DGKI: variants seen among roughly 807,000 people sequenced by gnomAD.
DGKI encodes the protein diacylglycerol kinase iota, also known as DAG kinase iota.
DGKI carries 55 observed loss-of-function variants against 147.5 expected under a neutral mutation model. The observed-to-expected ratio is 0.37, with a 90% CI of 0.30 to 0.47. The LOEUF (loss-of-function observed/expected upper bound fraction) is 0.47, where lower values mean the gene tolerates loss of function less well. DGKI is among the 20% of genes least tolerant of loss of function. DGKI has a pLI of 1.00. For synonymous variants in DGKI, 469 were observed against 477.1 expected (o/e 0.98, Z 0.22); for missense variants, 1,007 against 1,323.8 (o/e 0.76, Z 3.71).
At position 137,678,581 on chromosome 7, in the gene DGKI, C is replaced by T. The variant is rs1300989761; in HGVS notation, c.582G>A (p.Glu194=). Residue 194 remains glutamate, a synonymous_variant, in exon 3 of 33, where the codon GAG becomes GAA. Coordinates refer to ENST00000614521, the MANE Select transcript of DGKI (RefSeq NM_001321708.2). ...CTGCAAATCTGACTTGGCAGTTCTC[C>T]TCTCCAAGGTAGCAGAGGTCTCCCG... The part of the protein sequence containing the change: ...NVSGDLCYLG[E]ENCQVRFAKS... The T allele has an allele frequency of 8.7e-6, 14 of 1,614,044 alleles. No individual in the cohort carries two copies. The highest frequency in any genetic ancestry group is 2.7e-5 in the African/African-American group (2 of 74,926).
At chr7:137,724,594 A>G (rs2116633204) in intron 1 of DGKI, among the ~76,000 whole-genome samples, 1 of 152,308 alleles carries the variant, frequency 6.6e-6, no homozygotes, top group South Asian at 2.1e-4. Context: ...TGTTGGTAAA[A>G]AAGAAAAGCC....
At chr7:137,815,018 A>C (rs983800995) in intron 1 of DGKI, among the ~76,000 whole-genome samples, 1 of 152,146 alleles carries the variant, frequency 6.6e-6, no homozygotes, top group Non-Finnish European at 1.5e-5. Context: ...GGAAATATCA[A>C]TAATTACCCA....
chr7:137,606,781 T>C (rs927753315), intron 10 of DGKI, among the ~76,000 whole-genome samples: 2 of 152,224 alleles, frequency 1.3e-5, no homozygotes, highest in African/African-American at 2.4e-5. Flanking sequence ...TAATCTTTAA[T>C]CACATTTCCA....
At chr7:137,446,675 G>A (rs183094892) in intron 27 of DGKI, among the ~76,000 whole-genome samples, 5 of 152,180 alleles carry the variant, frequency 3.3e-5, no homozygotes, top group Non-Finnish European at 2.9e-5. Flanking sequence ...GCAGTGAGCC[G>A]AGACCGCGCC....
At chr7:137,637,352 G>C (rs1010348730) in intron 6 of DGKI, among the ~76,000 whole-genome samples, 1 of 152,162 alleles carries the variant, frequency 6.6e-6, no homozygotes, top group East Asian at 1.9e-4. Flanking sequence ...TTTTATTGGA[G>C]AAGACCATGA....
chr7:137,592,177 C>G (rs1337552190), intron 12 of DGKI, among the ~76,000 whole-genome samples: 1 of 152,216 alleles, frequency 6.6e-6, no homozygotes, highest in African/African-American at 2.4e-5. Flanking sequence ...TTGAAAGGTT[C>G]TATGGGCAGG....
At chr7:137,664,917 A>C (rs1447339373) in intron 3 of DGKI, among the ~76,000 whole-genome samples, 3 of 152,224 alleles carry the variant, frequency 2.0e-5, no homozygotes, top group Non-Finnish European at 4.4e-5. Flanking sequence ...AGACAGGTGG[A>C]CCAGGGAAGG....
At chr7:137,543,788 T>C (rs1286891295) in intron 20 of DGKI, among the ~76,000 whole-genome samples, 1 of 152,186 alleles carries the variant, frequency 6.6e-6, no homozygotes, top group Non-Finnish European at 1.5e-5. Flanking sequence ...TTTTCAACAT[T>C]GCTGAAATTA....
intron 1 of DGKI, among the ~76,000 whole-genome samples, chr7:137,714,684 T>C (rs922058166): frequency 1.1e-4 from 17 of 152,320 alleles, no homozygotes; most frequent in African/African-American, 3.8e-4. Flanking sequence ...CAGTTCACCC[T>C]AACCATAGCA....
rs777690417 is a variant in DGKI, at chr7:137,587,150, C to A, written c.1372G>T (p.Val458Phe). 1 of 1,612,648 alleles carries A rather than the reference C, an allele frequency of 6.2e-7. No individual in the cohort carries two copies. The highest frequency in any genetic ancestry group is 1.3e-5 in the African/African-American group (1 of 74,810). ...TCATTCCCAGTCCCCAGAGGAAGGA[C>A]CCCCACAGGAGGCTGAGGGCTCAGC... ...LQLSPQPPVGVLPLGTGNDLA... is the reference protein window; with the variant it reads ...LQLSPQPPVGFLPLGTGNDLA... Residue 458 changes from valine (V) to phenylalanine (F), a missense_variant, in exon 13 of 33, where the codon GTC (valine) becomes TTC (phenylalanine). Val to Phe is a conservative substitution (Grantham distance 50). Around this residue, in one of 5 missense-constraint regions of DGKI, gnomAD observed 224 missense variants for 382.7 expected, o/e 0.59. Coordinates refer to ENST00000614521, the MANE Select transcript of DGKI (RefSeq NM_001321708.2).
chr7:137,421,099 TCAAA>T (rs1423432554), intron 28 of DGKI, among the ~76,000 whole-genome samples: 1 of 152,094 alleles, frequency 6.6e-6, no homozygotes, highest in Non-Finnish European at 1.5e-5. Flanking sequence ...TTTTCCTCCT[TCAAA>T]CACTCACTGA....
At chr7:137,727,166 C>T (rs1358193964) in intron 1 of DGKI, among the ~76,000 whole-genome samples, 1 of 151,874 alleles carries the variant, frequency 6.6e-6, no homozygotes, top group African/African-American at 2.4e-5. Context: ...TATGAATAAT[C>T]AGATATCTAA....
intron 6 of DGKI, among the ~76,000 whole-genome samples, chr7:137,632,272 T>C (rs1042494544): frequency 2.0e-5 from 3 of 152,332 alleles, no homozygotes; most frequent in Middle Eastern, 3.4e-3. Flanking sequence ...CAATAAAAAG[T>C]CATAATCTTT....
At chr7:137,411,424 C>T (rs1563002136) in intron 29 of DGKI, among the ~76,000 whole-genome samples, 1 of 152,196 alleles carries the variant, frequency 6.6e-6, no homozygotes, top group African/African-American at 2.4e-5. Context: ...TTTAGAGCCC[C>T]TTCCATGAAA....
chr7:137,739,429 C>T (rs2116699848), intron 1 of DGKI, among the ~76,000 whole-genome samples: 1 of 152,262 alleles, frequency 6.6e-6, no homozygotes, highest in South Asian at 2.1e-4. Context: ...AAAGAACAAA[C>T]AACCTAGGCT....
At chr7:137,395,349 C>T (rs1036237707) in intron 32 of DGKI, among the ~76,000 whole-genome samples, 4 of 152,208 alleles carry the variant, frequency 2.6e-5, no homozygotes, top group African/African-American at 9.7e-5. Flanking sequence ...AGGACAACCC[C>T]AAAGTCCCAA....
chr7:137,485,236 T>C, intron 23 of DGKI, 138 bp downstream of exon 23: 1 of 712,316 alleles, frequency 1.4e-6, no homozygotes, highest in Non-Finnish European at 2.3e-6. Flanking sequence ...AGAATCAGAA[T>C]ACCATTTTCA....
rs541969576 is a variant in DGKI, at chr7:137,383,631, G to A, written c.*7589C>T. On this transcript the variant is annotated 3_prime_UTR_variant, in exon 33 of 33. Coordinates refer to ENST00000614521, the MANE Select transcript of DGKI (RefSeq NM_001321708.2). ...TCACTTAACTACTAGAAGAAACAGT[G>A]ATAACAACTTCACTGTTTTTCAGAA... 36 of 152,066 alleles carry A rather than the reference G, an allele frequency of 2.4e-4. No homozygotes were observed. Among genetic ancestry groups the A allele is most frequent in the African/African-American group, 8.7e-4 (36 of 41,540 alleles). 9.4% of individuals were successfully genotyped at this position (152,066 alleles called of 1,614,324 possible). A position where few individuals can be genotyped will look rare whatever the true frequency, so the allele number is the denominator to read the frequency against.
At chr7:137,792,636 T>C (rs1300867757) in intron 1 of DGKI, among the ~76,000 whole-genome samples, 1 of 152,230 alleles carries the variant, frequency 6.6e-6, no homozygotes, top group African/African-American at 2.4e-5. Context: ...TCCACATTGT[T>C]GGAGATGGGG....
Sources: allele counts gnomAD v4.1 joint callset (sites outside exome capture counted in the v4.1 genomes callset), GRCh38; gene constraint gnomAD v4.1.1; regional missense constraint gnomAD v4.1.1; transcripts MANE v1.5; gene names NCBI Gene and HGNC (gene_info 2026-07-23, HGNC 2026-07-21).